Variants in HECW1 observed in about 807,000 individuals in gnomAD.
HECW1 encodes the protein HECT, C2 and WW domain containing E3 ubiquitin protein ligase 1.
In HECW1, 61 loss-of-function variants were observed where a neutral mutation model predicts 182.3. The ratio of observed to expected loss-of-function variants is 0.33; its 90% CI spans 0.27 to 0.41. The LOEUF is 0.41. Ranked by LOEUF, HECW1 falls within the 10% of genes least tolerant of loss-of-function variation. HECW1 has a pLI of 1.00. For missense variants in HECW1, 1,739 were observed against 2,108.9 expected (o/e 0.82, Z 3.44); for synonymous variants, 859 against 832.6 (o/e 1.03, Z -0.55).
intron 19 of HECW1, among the ~76,000 whole-genome samples, chr7:43,499,245 T>C (rs1190671528): frequency 1.3e-5 from 2 of 152,098 alleles, no homozygotes; most frequent in African/African-American, 4.8e-5. Context: ...ATCAGGTCAC[T>C]GCACTGCAGA....
At chr7:43,279,119 G>T (rs559177642) in intron 3 of HECW1, among the ~76,000 whole-genome samples, 2 of 149,446 alleles carry the variant, frequency 1.3e-5, no homozygotes, top group African/African-American at 2.6e-5. Context: ...ATTTATTTCA[G>T]ATTCAACATT....
intron 24 of HECW1, among the ~76,000 whole-genome samples, chr7:43,522,700 C>A (rs745771572): frequency 3.9e-5 from 6 of 152,134 alleles, no homozygotes; most frequent in Non-Finnish European, 7.3e-5. Flanking sequence ...GGTGGGGATG[C>A]CAGGGCCTAC....
At chr7:43,201,309 T>C (rs1355712079) in intron 2 of HECW1, among the ~76,000 whole-genome samples, 1 of 152,232 alleles carries the variant, frequency 6.6e-6, no homozygotes. Context: ...TGCAGATTTC[T>C]GAGTCTTTCT....
chr7:43,488,076 G>A (rs748825925), intron 17 of HECW1, among the ~76,000 whole-genome samples: 5 of 151,996 alleles, frequency 3.3e-5, no homozygotes, highest in Non-Finnish European at 5.9e-5. Context: ...TTGGGAGACC[G>A]AGGCAGGCAG....
At chr7:43,236,337 A>G (rs77524209) in intron 2 of HECW1, among the ~76,000 whole-genome samples, 2 of 152,212 alleles carry the variant, frequency 1.3e-5, no homozygotes, top group African/African-American at 4.8e-5. Flanking sequence ...GAAAAGCTCA[A>G]ATGAAATAGT....
intron 3 of HECW1, among the ~76,000 whole-genome samples, chr7:43,300,513 C>T (rs1202075833): frequency 6.6e-6 from 1 of 152,138 alleles, no homozygotes; most frequent in African/African-American, 2.4e-5. Context: ...CGAGAGATTC[C>T]TTTATATTGC....
At chr7:43,511,329 T>A (rs2079858474) in intron 24 of HECW1, 1 of 152,152 alleles carries the variant, frequency 6.6e-6, no homozygotes, top group Admixed American at 6.5e-5. Flanking sequence ...GAGCCCACGG[T>A]GATGAGATTT....
intron 4 of HECW1, among the ~76,000 whole-genome samples, chr7:43,313,251 C>G (rs12154569): frequency 0.07 from 10,596 of 151,294 alleles, 475 homozygotes; most frequent in Middle Eastern, 0.13. Context: ...AGTTAAAATT[C>G]AATTTATTTC....
At chr7:43,253,327 CTTG>C (rs1485298223) in intron 3 of HECW1, among the ~76,000 whole-genome samples, 1 of 152,132 alleles carries the variant, frequency 6.6e-6, no homozygotes, top group African/African-American at 2.4e-5. Flanking sequence ...TTGTTGCTCA[CTTG>C]TTGGTAGTGA....
intron 3 of HECW1, among the ~76,000 whole-genome samples, chr7:43,289,620 C>T (rs1285264056): frequency 6.6e-6 from 1 of 152,182 alleles, no homozygotes; most frequent in Non-Finnish European, 1.5e-5. Context: ...TGCCCATTGG[C>T]CTGGCCCATA....
Position 43,500,153 on chromosome 7 carries a change from T to G in HECW1, c.3438-546T>G, listed in dbSNP as rs1585100603. ...TCTTCCTCTGTCGCCCAGGCTGGAG[T>G]GCAGTGGCACGATCTCAGTTCACTG... On this transcript the variant is annotated intron_variant, in intron 19 of 29. Coordinates refer to ENST00000395891, the MANE Select transcript of HECW1 (RefSeq NM_015052.5). Among the ~76,000 whole-genome samples, 3 of 150,150 alleles carry G rather than the reference T, an allele frequency of 2.0e-5. No homozygotes were observed. The Admixed American group carries it at 2.0e-4, about 10-fold the overall frequency.
At chr7:43,360,578 C>T (rs1815740685) in intron 5 of HECW1, among the ~76,000 whole-genome samples, 1 of 152,158 alleles carries the variant, frequency 6.6e-6, no homozygotes, top group South Asian at 2.1e-4. Flanking sequence ...GGCATCCACC[C>T]ACCTCACATC....
intron 5 of HECW1, among the ~76,000 whole-genome samples, chr7:43,350,812 C>A (rs1223937040): frequency 6.6e-6 from 1 of 152,230 alleles, no homozygotes; most frequent in Non-Finnish European, 1.5e-5. Context: ...CTTCGCCCTT[C>A]TGTGGTCCCT....
intron 24 of HECW1, chr7:43,523,212 CG>C (rs199925925): frequency 8.0e-4 from 186 of 232,804 alleles, no homozygotes; most frequent in South Asian, 2.1e-3. Context: ...CCATGTTGGC[CG>C]GGGGGGGTCT....
chr7:43,341,397 A>G (rs1020032365), intron 5 of HECW1, among the ~76,000 whole-genome samples: 1 of 151,800 alleles, frequency 6.6e-6, no homozygotes, highest in African/African-American at 2.4e-5. Context: ...CACTTTTGCT[A>G]TGCTATCGTA....
At chr7:43,333,177 G>A (rs918160651) in intron 5 of HECW1, among the ~76,000 whole-genome samples, 1 of 152,196 alleles carries the variant, frequency 6.6e-6, no homozygotes, top group East Asian at 1.9e-4. Flanking sequence ...GATAGGCAAG[G>A]AAATGTGGGG....
intron 4 of HECW1, among the ~76,000 whole-genome samples, chr7:43,314,451 T>A (rs952917534): frequency 1.3e-4 from 20 of 150,916 alleles, no homozygotes; most frequent in African/African-American, 4.6e-4. Context: ...GACGAGGAAC[T>A]CAAACAGAAG....
Position 43,186,668 on chromosome 7 carries a change from CA to C in HECW1, c.-31-57187del, listed in dbSNP as rs112678392. Among the ~76,000 whole-genome samples the C allele has an allele frequency of 8.4e-3, 786 of 93,514 alleles. 4 individuals are homozygous for C. Among genetic ancestry groups the C allele is most frequent in the African/African-American group, 0.024 (627 of 25,952 alleles). 61.3% of individuals were successfully genotyped at this position (93,514 alleles called of 152,430 possible). On this transcript the variant is annotated intron_variant, in intron 2 of 29. Coordinates refer to ENST00000395891, the MANE Select transcript of HECW1 (RefSeq NM_015052.5). The stretch of plus-strand genomic sequence containing the variant: ...TGGGTGACAGAGCGAGACTCCGTCT[CA>C]AAAAAAAAAAAAAAAAAAAGGATTA...
intron 2 of HECW1, among the ~76,000 whole-genome samples, chr7:43,134,323 G>A (rs974082944): frequency 6.9e-6 from 1 of 143,956 alleles, no homozygotes; most frequent in South Asian, 2.3e-4. Context: ...GAACCCGGGA[G>A]GCAGAGGTTG....
Sources: gnomAD v4.1 joint callset for allele counts (sites outside exome capture counted in the v4.1 genomes callset) on GRCh38, gnomAD v4.1.1 for gene constraint, MANE v1.5 for transcripts, NCBI Gene and HGNC (gene_info 2026-07-23, HGNC 2026-07-21) for gene names.